The following EPB41L4A variants were observed in gnomAD, a reference collection of about 807,000 sequenced individuals.
The protein encoded by EPB41L4A is erythrocyte membrane protein band 4.1 like 4A.
EPB41L4A carries 100 observed loss-of-function variants against 108.6 expected under a neutral mutation model. That is an observed-to-expected ratio of 0.92 (90% CI 0.78 to 1.09). EPB41L4A has a LOEUF of 1.09. EPB41L4A is among the 50% of genes least tolerant of loss of function. The pLI is 0.00. For missense variants in EPB41L4A, 1,030 were observed against 842.7 expected, an observed-to-expected ratio of 1.22 and a Z score of -2.75; for synonymous variants, 319 against 289.0, an observed-to-expected ratio of 1.10 and a Z score of -1.05.
chr5:112,316,534 G>C (rs934281159), intron 1 of EPB41L4A, among the ~76,000 whole-genome samples: 7 of 152,080 alleles, frequency 4.6e-5, no homozygotes, highest in Non-Finnish European at 8.8e-5. Context: ...CATTGTTTAT[G>C]TCTAAGAGTT....
At chr5:112,240,697 C>A in intron 10 of EPB41L4A, 22 bp downstream of exon 10, 1 of 1,396,298 alleles carries the variant, frequency 7.2e-7, no homozygotes, top group Non-Finnish European at 9.7e-7. Context: ...AGACAACAAA[C>A]AAAATTTTTA....
At chr5:112,410,174 G>A (rs1440221119) in intron 1 of EPB41L4A, among the ~76,000 whole-genome samples, 1 of 152,180 alleles carries the variant, frequency 6.6e-6, no homozygotes, top group Non-Finnish European at 1.5e-5. Flanking sequence ...AGGTGAGAGG[G>A]AATGTGGAAA....
At chr5:112,354,515 A>C (rs1354000662) in intron 1 of EPB41L4A, among the ~76,000 whole-genome samples, 1 of 152,172 alleles carries the variant, frequency 6.6e-6, no homozygotes, top group East Asian at 1.9e-4. Flanking sequence ...GAAAGTCAAA[A>C]TTTAGTTAGA....
chr5:112,167,257 CAG>C (rs1320372875), intron 22 of EPB41L4A, among the ~76,000 whole-genome samples: 1 of 151,932 alleles, frequency 6.6e-6, no homozygotes, highest in Non-Finnish European at 1.5e-5. Flanking sequence ...AAGTAGTACA[CAG>C]AGATGAAACA....
chr5:112,212,240 G>T (rs1762778119), intron 12 of EPB41L4A, among the ~76,000 whole-genome samples: 1 of 151,842 alleles, frequency 6.6e-6, no homozygotes, highest in Non-Finnish European at 1.5e-5. Flanking sequence ...TGGCAGAAGG[G>T]ACTAATTCAT....
chr5:112,234,143 A>C (rs2150365473), intron 12 of EPB41L4A, among the ~76,000 whole-genome samples: 1 of 151,164 alleles, frequency 6.6e-6, no homozygotes, highest in Non-Finnish European at 1.5e-5. Flanking sequence ...ACATAGTGAG[A>C]CCCTATCTCA....
intron 17 of EPB41L4A, among the ~76,000 whole-genome samples, chr5:112,189,210 C>T (rs576370812): frequency 6.6e-6 from 1 of 152,290 alleles, no homozygotes; most frequent in Non-Finnish European, 1.5e-5. Context: ...TTTTACAGAT[C>T]CTGCAGGAAC....
chr5:112,341,273 C>T (rs1232974513), intron 1 of EPB41L4A, among the ~76,000 whole-genome samples: 1 of 152,064 alleles, frequency 6.6e-6, no homozygotes, highest in Non-Finnish European at 1.5e-5. Flanking sequence ...TCCAAAAATC[C>T]CACATATAAC....
Position 112,168,823 on chromosome 5 carries a change from G to A in EPB41L4A, c.1851-3C>T. On this transcript the variant is annotated splice_region_variant and splice_polypyrimidine_tract_variant and intron_variant, in intron 21 of 22. Coordinates refer to ENST00000261486, the MANE Select transcript of EPB41L4A (RefSeq NM_022140.5). ...GTGGTACAAGATCTGTTTTTGAACTGCAGAGAATGAGTTTTAGAATTAGTG... is the reference window on the plus strand; with the variant it reads ...GTGGTACAAGATCTGTTTTTGAACTACAGAGAATGAGTTTTAGAATTAGTG... 6.2e-7 allele frequency: 1 copy of A among 1,612,510 alleles called. No individual in the cohort carries two copies.
intron 13 of EPB41L4A, chr5:112,206,155 G>A (rs1762462546): frequency 6.6e-6 from 1 of 152,224 alleles, no homozygotes; most frequent in Non-Finnish European, 1.5e-5. Flanking sequence ...GGACTAATCA[G>A]AAGCCTCCAG....
chr5:112,233,171 G>A (rs1301833752), intron 12 of EPB41L4A, among the ~76,000 whole-genome samples: 2 of 152,098 alleles, frequency 1.3e-5, no homozygotes, highest in Non-Finnish European at 2.9e-5. Flanking sequence ...TTGGCAGGAA[G>A]AATCAAGACA....
intron 12 of EPB41L4A, among the ~76,000 whole-genome samples, chr5:112,210,776 T>G (rs1762699415): frequency 6.6e-6 from 1 of 152,006 alleles, no homozygotes; most frequent in Admixed American, 6.6e-5. Context: ...TGCATGTACC[T>G]CACTCAAGGA....
rs192859885 is a variant in EPB41L4A, at chr5:112,163,244, C to G, written c.*1746G>C. ...GTGGTAATAGTGGAGGTGTCCATAA[C>G]TGCTAGGTGTCCAGCTTGCACACTG... On this transcript the variant is annotated 3_prime_UTR_variant, in exon 23 of 23. Transcript: ENST00000261486. 30 of 151,920 alleles carry G rather than the reference C, an allele frequency of 2.0e-4. No individual in the cohort carries two copies. Among genetic ancestry groups the G allele is most frequent in the Admixed American group, 1.6e-3 (25 of 15,274 alleles). 9.4% of individuals were successfully genotyped at this position (151,920 alleles called of 1,614,324 possible).
At chr5:112,396,650 G>GC (rs1349300568) in intron 1 of EPB41L4A, among the ~76,000 whole-genome samples, 10 of 152,142 alleles carry the variant, frequency 6.6e-5, no homozygotes, top group Non-Finnish European at 1.3e-4. Context: ...CTGGCTATTG[G>GC]CAAGAACTCT....
Position 112,164,734 on chromosome 5 carries a change from C to G in EPB41L4A, c.*256G>C, listed in dbSNP as rs189664868. On this transcript the variant is annotated 3_prime_UTR_variant, in exon 23 of 23. Transcript: ENST00000261486. ...CCTGTAATCCCAGCTGCTCGGGAGC[C>G]TGAGACAGGAGAATCGCTTAACCCA... The G allele has an allele frequency of 4.0e-6, 1 of 251,568 alleles. No homozygotes were observed. The highest frequency in any genetic ancestry group is 8.6e-5 in the East Asian group (1 of 11,624). The allele number at this position is 251,568 out of a possible 1,614,324, so 15.6% of individuals were successfully genotyped here. A position where few individuals can be genotyped will look rare whatever the true frequency, so the allele number is the denominator to read the frequency against.
At chr5:112,197,765 T>C (rs1762032256) in intron 15 of EPB41L4A, among the ~76,000 whole-genome samples, 1 of 152,164 alleles carries the variant, frequency 6.6e-6, no homozygotes, top group Admixed American at 6.5e-5. Flanking sequence ...GGAACTCCTT[T>C]TGCTTCTTGA....
At chr5:112,297,796 C>T (rs1388022494) in intron 2 of EPB41L4A, among the ~76,000 whole-genome samples, 1 of 152,068 alleles carries the variant, frequency 6.6e-6, no homozygotes, top group Non-Finnish European at 1.5e-5. Context: ...AAATCTAAGT[C>T]CTTGATCCAT....
rs375186930 is a variant in EPB41L4A, at chr5:112,223,864, T to G, written c.1087+10770A>C. Among the ~76,000 whole-genome samples, 11 of 151,240 alleles carry G rather than the reference T, an allele frequency of 7.3e-5. No homozygotes were observed. In the East Asian group the frequency reaches 2.1e-3, roughly 29 times the overall value. On this transcript the variant is annotated intron_variant, in intron 12 of 22. Transcript: ENST00000261486. ...AAAATCTCATATTCATCTCGTCAGT[T>G]TGGACTAAAAGAATAATTTTTAAAC...
Position 112,334,788 on chromosome 5 carries a change from G to C in EPB41L4A, c.100-27298C>G, listed in dbSNP as rs371806116. ...TCAGGACCTCCTGAGGCTGTGTCAT[G>C]AGTCATGATCCTTAATTTTTGCAAA... On this transcript the variant is annotated intron_variant, in intron 1 of 22. Transcript: ENST00000261486. 7.2e-5 allele frequency among the ~76,000 whole-genome samples: 11 copies of C among 152,232 alleles called. No homozygotes were observed. In the East Asian group the frequency reaches 7.7e-4, roughly 11 times the overall value.
Sources: gnomAD v4.1 joint callset for allele counts (sites outside exome capture counted in the v4.1 genomes callset) on GRCh38, gnomAD v4.1.1 for gene constraint, MANE v1.5 for transcripts, NCBI Gene and HGNC (gene_info 2026-07-23, HGNC 2026-07-21) for gene names.